The following SPPL3 variants were observed in gnomAD, a reference collection of about 807,000 sequenced individuals.
SPPL3 encodes signal peptide peptidase like 3.
In SPPL3, 5 loss-of-function variants were observed where a neutral mutation model predicts 42.4. The observed-to-expected ratio is 0.12, with a 90% confidence interval of 0.06 to 0.25. The LOEUF (loss-of-function observed/expected upper bound fraction) is 0.25. Among genes scored for constraint, SPPL3 ranks in the 10% least tolerant of loss-of-function variants. The pLI, the probability that SPPL3 is intolerant of heterozygous loss-of-function variation, is 1.00. For synonymous variants in SPPL3, 195 were observed against 181.8 expected, an observed-to-expected ratio of 1.07 and a Z score of -0.58; for missense variants, 235 against 489.0, an observed-to-expected ratio of 0.48 and a Z score of 4.90.
Position 120,827,873 on chromosome 12 carries a change from C to T in SPPL3, c.24-16987G>A, listed in dbSNP as rs554023722. Reference sequence around the variant, plus strand: ...TGCCATCTTGGCTCACTGCATCCTCCGCCTCCCAGGTTCAAGTGATTCTCC... The same window carrying T: ...TGCCATCTTGGCTCACTGCATCCTCTGCCTCCCAGGTTCAAGTGATTCTCC... On this transcript the variant is annotated intron_variant, in intron 1 of 10. Coordinates refer to ENST00000353487, the MANE Select transcript of SPPL3 (RefSeq NM_139015.5). 7.7e-4 allele frequency among the ~76,000 whole-genome samples: 117 copies of T among 152,210 alleles called. 1 individual carries two copies. Among genetic ancestry groups the T allele is most frequent in the Admixed American group, 3.7e-3 (56 of 15,290 alleles).
intron 1 of SPPL3, chr12:120,845,234 CT>C (rs1193982278): frequency 7.2e-6 from 3 of 417,700 alleles, no homozygotes; most frequent in Non-Finnish European, 1.5e-5. Context: ...CCCAGCTTGT[CT>C]GTGGTCCCTG....
intron 1 of SPPL3, among the ~76,000 whole-genome samples, chr12:120,895,284 G>A (rs190395277): frequency 2.7e-4 from 41 of 152,074 alleles, no homozygotes; most frequent in Admixed American, 2.7e-3. Flanking sequence ...AAAATTAGCC[G>A]CGTGTATTGG....
At chr12:120,882,800 GA>G (rs1873332949) in intron 1 of SPPL3, among the ~76,000 whole-genome samples, 1 of 152,096 alleles carries the variant, frequency 6.6e-6, no homozygotes, top group South Asian at 2.1e-4. Flanking sequence ...AAGCCAAGGC[GA>G]AAGATTGCTT....
At chr12:120,886,165 TC>T (rs1873455595) in intron 1 of SPPL3, among the ~76,000 whole-genome samples, 1 of 151,922 alleles carries the variant, frequency 6.6e-6, no homozygotes, top group African/African-American at 2.4e-5. Context: ...AATTTTTTTT[TC>T]CAAATTCAGT....
intron 1 of SPPL3, among the ~76,000 whole-genome samples, chr12:120,869,516 C>T (rs565131010): frequency 2.0e-4 from 30 of 152,304 alleles, no homozygotes; most frequent in African/African-American, 7.2e-4. Context: ...CCATTAAATG[C>T]CTGTAACGAC....
At chr12:120,769,254 G>C in intron 6 of SPPL3, 195 bp from the exon 7 acceptor site, 1 of 509,254 alleles carries the variant, frequency 2.0e-6, no homozygotes, top group Non-Finnish European at 3.6e-6. Context: ...TGTGGAATTT[G>C]GGGTGATTGC....
At chr12:120,776,083 C>T (rs192547844) in intron 6 of SPPL3, among the ~76,000 whole-genome samples, 88 of 152,250 alleles carry the variant, frequency 5.8e-4, no homozygotes, top group South Asian at 2.1e-4. Context: ...GAGAAACAAA[C>T]GAAAAGCTCA....
intron 1 of SPPL3, among the ~76,000 whole-genome samples, chr12:120,834,430 G>C (rs1364268651): frequency 1.3e-5 from 2 of 152,130 alleles, no homozygotes; most frequent in African/African-American, 4.8e-5. Context: ...TCTGCCCTCT[G>C]AAGTACCCTT....
chr12:120,875,737 A>C (rs1873066416), intron 1 of SPPL3, among the ~76,000 whole-genome samples: 1 of 152,230 alleles, frequency 6.6e-6, no homozygotes, highest in Admixed American at 6.5e-5. Context: ...AGAAGGAAAA[A>C]AATTTTAACA....
intron 1 of SPPL3, among the ~76,000 whole-genome samples, chr12:120,899,888 C>CCA (rs1873921495): frequency 4.2e-5 from 3 of 71,700 alleles, no homozygotes; most frequent in South Asian, 1.1e-3. Context: ...GACCCTGTCT[C>CCA]AAAAAAAAAA....
chr12:120,762,985 G>T lies in SPPL3; in HGVS notation c.*2014C>A, dbSNP rs1868725172. ...TTAATTAGCTATATGCATCCTCGAG[G>T]GCTGAGAAGGAAGGAAGGGAGAGTC... On this transcript the variant is annotated 3_prime_UTR_variant, in exon 11 of 11. Coordinates refer to ENST00000353487, the MANE Select transcript of SPPL3 (RefSeq NM_139015.5). 6.6e-6 allele frequency: 1 copy of T among 152,216 alleles called. No homozygotes were observed. The allele number at this position is 152,216 out of a possible 1,614,324, so 9.4% of individuals were successfully genotyped here.
chr12:120,782,059 G>A (rs1040639435), intron 6 of SPPL3, among the ~76,000 whole-genome samples: 5 of 151,774 alleles, frequency 3.3e-5, no homozygotes, highest in Non-Finnish European at 5.9e-5. Context: ...TTGTAGAAAT[G>A]GGATCTTGCT....
chr12:120,796,796 A>AAGC (rs1367374160), intron 2 of SPPL3, among the ~76,000 whole-genome samples: 1 of 152,106 alleles, frequency 6.6e-6, no homozygotes, highest in African/African-American at 2.4e-5. Flanking sequence ...AGGCTTTTGG[A>AAGC]AGCAGGTACT....
chr12:120,888,082 T>C (rs1397286360), intron 1 of SPPL3, among the ~76,000 whole-genome samples: 1 of 152,152 alleles, frequency 6.6e-6, no homozygotes, highest in Admixed American at 6.5e-5. Flanking sequence ...CTATTACTAT[T>C]TTTGGTTTTT....
intron 1 of SPPL3, among the ~76,000 whole-genome samples, chr12:120,891,077 C>T (rs982636686): frequency 2.6e-5 from 4 of 152,196 alleles, no homozygotes; most frequent in African/African-American, 4.8e-5. Flanking sequence ...CCTTTTTCCA[C>T]TTCATCTCTA....
intron 1 of SPPL3, among the ~76,000 whole-genome samples, chr12:120,897,710 G>A (rs748147353): frequency 2.0e-4 from 30 of 152,116 alleles, no homozygotes; most frequent in Admixed American, 2.6e-4. Context: ...GCTACACAGC[G>A]AGACTCCGTC....
intron 1 of SPPL3, among the ~76,000 whole-genome samples, chr12:120,831,411 C>T (rs1005084080): frequency 6.6e-6 from 1 of 152,182 alleles, no homozygotes; most frequent in South Asian, 2.1e-4. Context: ...TTTCCTTTTA[C>T]AAAAGGTAGA....
At chr12:120,854,023 C>G (rs1268883404) in intron 1 of SPPL3, among the ~76,000 whole-genome samples, 1 of 138,654 alleles carries the variant, frequency 7.2e-6, no homozygotes, top group Admixed American at 7.4e-5. Flanking sequence ...CACACACACA[C>G]ACGGGGAAAA....
intron 2 of SPPL3, among the ~76,000 whole-genome samples, chr12:120,797,207 T>C (rs1870128153): frequency 6.6e-6 from 1 of 151,958 alleles, no homozygotes; most frequent in Non-Finnish European, 1.5e-5. Flanking sequence ...AAAATTGGGA[T>C]GAATGTTCAA....
Sources: gnomAD v4.1 joint callset for allele counts (sites outside exome capture counted in the v4.1 genomes callset) on GRCh38, gnomAD v4.1.1 for gene constraint, MANE v1.5 for transcripts, NCBI Gene and HGNC (gene_info 2026-07-23, HGNC 2026-07-21) for gene names.